The following ROBO1 variants were observed in gnomAD, a reference collection of about 807,000 sequenced individuals.
ROBO1 encodes roundabout homolog 1.
In ROBO1, 149 loss-of-function variants were observed where a neutral mutation model predicts 195.9. That is an observed-to-expected ratio of 0.76 (90% CI 0.67 to 0.87). The LOEUF (loss-of-function observed/expected upper bound fraction) is 0.87, where lower values mean the gene tolerates loss of function less well. Among genes scored for constraint, ROBO1 ranks in the 40% least tolerant of loss-of-function variants. The pLI, the probability that ROBO1 is intolerant of heterozygous loss-of-function variation, is 0.00. For synonymous variants in ROBO1, 816 were observed against 733.2 expected, an observed-to-expected ratio of 1.11 and a Z score of -1.82; for missense variants, 1,933 against 2,068.3, an observed-to-expected ratio of 0.93 and a Z score of 1.27.
intron 1 of ROBO1, among the ~76,000 whole-genome samples, chr3:79,683,444 A>C (rs2106996707): frequency 6.6e-6 from 1 of 152,264 alleles, no homozygotes; most frequent in South Asian, 2.1e-4. Context: ...AGATTATTTC[A>C]AGATATACCT....
intron 2 of ROBO1, among the ~76,000 whole-genome samples, chr3:79,421,897 A>T (rs1003896350): frequency 2.5e-4 from 38 of 151,956 alleles, no homozygotes; most frequent in Non-Finnish European, 5.9e-5. Context: ...TATTTTGCAC[A>T]AAACCACATA....
At chr3:79,766,805 G>A (rs890468840) in intron 1 of ROBO1, among the ~76,000 whole-genome samples, 5 of 152,160 alleles carry the variant, frequency 3.3e-5, no homozygotes, top group African/African-American at 4.8e-5. Flanking sequence ...AGAAGGGCAC[G>A]GCGTTTCATC....
chr3:79,732,092 CA>C (rs1481877004), intron 1 of ROBO1, among the ~76,000 whole-genome samples: 4 of 152,066 alleles, frequency 2.6e-5, no homozygotes, highest in African/African-American at 9.6e-5. Flanking sequence ...TTTGTGTATA[CA>C]AACCCATCCA....
At position 78,617,979 on chromosome 3, in the gene ROBO1, T is replaced by C. The variant is rs1297403521; in HGVS notation, c.3938A>G (p.Tyr1313Cys). 2 of 1,613,842 alleles carry C rather than the reference T, an allele frequency of 1.2e-6. No individual in the cohort carries two copies. The highest frequency in any genetic ancestry group is 2.2e-5 in the East Asian group (1 of 44,876). ...ATCTGAGACCAGGGGTCCTGAAATGTAGCCATAGGTATGTGGAGGGGAGAT... is the reference window on the plus strand; with the variant it reads ...ATCTGAGACCAGGGGTCCTGAAATGCAGCCATAGGTATGTGGAGGGGAGAT... ...RPISPPHTYG[Y>C]ISGPLVSDMD... The change falls in exon 27 of 31, where the codon TAC becomes TGC. Residue 1313 changes from tyrosine (Y) to cysteine (C), a missense_variant. By Grantham distance (194) the Tyr-to-Cys change is radical. Around this residue, in one of 3 missense-constraint regions of ROBO1, gnomAD observed 1,737 missense variants for 1,882.5 expected, o/e 0.92. Coordinates refer to ENST00000464233, the MANE Select transcript of ROBO1 (RefSeq NM_002941.4).
chr3:78,679,447 TCTC>T (rs1368420050), intron 10 of ROBO1, among the ~76,000 whole-genome samples: 2 of 152,138 alleles, frequency 1.3e-5, no homozygotes, highest in Non-Finnish European at 2.9e-5. Context: ...CAGCCCAAAA[TCTC>T]CTTAAGCTGA....
intron 2 of ROBO1, among the ~76,000 whole-genome samples, chr3:79,549,475 C>G (rs1050365452): frequency 2.6e-5 from 4 of 152,086 alleles, no homozygotes; most frequent in Admixed American, 6.6e-5. Context: ...TGAATTTAAC[C>G]AACTGCAGAT....
intron 2 of ROBO1, among the ~76,000 whole-genome samples, chr3:79,345,950 A>C (rs1174314729): frequency 6.6e-6 from 1 of 152,202 alleles, no homozygotes; most frequent in Non-Finnish European, 1.5e-5. Context: ...AATACAGCCC[A>C]GATTTTAAAT....
intron 3 of ROBO1, among the ~76,000 whole-genome samples, chr3:78,954,825 A>C (rs2040960377): frequency 6.6e-6 from 1 of 152,112 alleles, no homozygotes; most frequent in African/African-American, 2.4e-5. Context: ...TGAAGTGGCA[A>C]CTTAAAAGTA....
At chr3:79,196,597 G>A (rs551270174) in intron 2 of ROBO1, among the ~76,000 whole-genome samples, 18 of 151,752 alleles carry the variant, frequency 1.2e-4, no homozygotes, top group Non-Finnish European at 1.5e-4. Context: ...ATTGATTGTC[G>A]AAAGCAAATG....
chr3:78,635,909 G>A lies in ROBO1; in HGVS notation c.3237C>T (p.Ile1079=). 1 of 1,613,914 alleles carries A rather than the reference G, an allele frequency of 6.2e-7. No individual in the cohort carries two copies. Among genetic ancestry groups the A allele is most frequent in the Non-Finnish European group, 8.5e-7 (1 of 1,179,846 alleles). ...TCATGTTGTTGCTGAGGTTTGACTG[G>A]ATGAGCTGAGTGGTGGCGTAAGGAG... ...QPTPYATTQL[I]QSNLSNNMNN... is the part of the protein sequence containing the mutation. The change falls in exon 23 of 31, where the codon ATC becomes ATT. Residue 1079 remains isoleucine, a synonymous_variant. Transcript: ENST00000464233.
intron 4 of ROBO1, among the ~76,000 whole-genome samples, chr3:78,922,846 C>T (rs1022858511): frequency 6.6e-6 from 1 of 152,036 alleles, no homozygotes; most frequent in African/African-American, 2.4e-5. Context: ...GATCCACCCG[C>T]CTCTGCCTCC....
chr3:79,469,531 T>A (rs1352302233), intron 2 of ROBO1, among the ~76,000 whole-genome samples: 1 of 152,214 alleles, frequency 6.6e-6, no homozygotes, highest in Non-Finnish European at 1.5e-5. Flanking sequence ...ATGTATATTA[T>A]GAGTTTTGAG....
intron 4 of ROBO1, among the ~76,000 whole-genome samples, chr3:78,884,561 G>T (rs1238800833): frequency 6.7e-6 from 1 of 150,318 alleles, no homozygotes; most frequent in Non-Finnish European, 1.5e-5. Flanking sequence ...AAGAAAGAGA[G>T]AAAGAGAGAA....
Position 79,550,195 on chromosome 3 carries a change from G to GAAAGGAAAGAAAGAAAAGAAAA in ROBO1, c.88+39628_88+39629insTTTTCTTTTCTTTCTTTCCTTT. ...AGAAAGAAAGAAAGAAAGAAAGAAA[G>GAAAGGAAAGAAAGAAAAGAAAA]GAAAAGAAAAGAAAAGAAAAGAAAA... On this transcript the variant is annotated intron_variant, in intron 2 of 30. Transcript: ENST00000464233. 2.1e-4 allele frequency among the ~76,000 whole-genome samples: 21 copies of GAAAGGAAAGAAAGAAAAGAAAA among 100,838 alleles called. 2 individuals carry two copies. The highest frequency in any genetic ancestry group is 8.9e-4 in the African/African-American group (19 of 21,442). 66.2% of individuals were successfully genotyped at this position (100,838 alleles called of 152,430 possible).
intron 2 of ROBO1, among the ~76,000 whole-genome samples, chr3:79,582,191 T>C (rs1209937234): frequency 6.6e-6 from 1 of 151,782 alleles, no homozygotes; most frequent in Admixed American, 6.6e-5. Context: ...GAATCTAATA[T>C]AATTTATAAT....
intron 1 of ROBO1, among the ~76,000 whole-genome samples, chr3:79,610,260 T>C (rs1418072661): frequency 3.9e-5 from 6 of 151,986 alleles, no homozygotes; most frequent in African/African-American, 1.4e-4. Context: ...TACATATCTA[T>C]GATGACTTTA....
At chr3:79,013,146 C>T (rs943785924) in intron 3 of ROBO1, among the ~76,000 whole-genome samples, 1 of 152,008 alleles carries the variant, frequency 6.6e-6, no homozygotes, top group Admixed American at 6.6e-5. Flanking sequence ...CAACCCAGAG[C>T]CTAAGAGCAA....
At chr3:79,661,496 G>A (rs975384042) in intron 1 of ROBO1, among the ~76,000 whole-genome samples, 1 of 151,924 alleles carries the variant, frequency 6.6e-6, no homozygotes, top group African/African-American at 2.4e-5. Context: ...CTGCTTAAAT[G>A]TATCATTTCT....
intron 2 of ROBO1, among the ~76,000 whole-genome samples, chr3:79,446,974 C>T (rs1334479174): frequency 1.3e-5 from 2 of 152,070 alleles, no homozygotes. Flanking sequence ...CAGGCTAACG[C>T]CACCATGCCC....
Sources: gnomAD v4.1 joint callset for allele counts (sites outside exome capture counted in the v4.1 genomes callset) on GRCh38, gnomAD v4.1.1 for gene constraint, gnomAD v4.1.1 regional missense constraint, MANE v1.5 for transcripts, NCBI Gene and HGNC (gene_info 2026-07-23, HGNC 2026-07-21) for gene names.